Variants in FDFT1 observed in about 807,000 individuals in gnomAD.
The protein encoded by FDFT1 is farnesyl-diphosphate farnesyltransferase 1, also known as squalene synthase.
FDFT1 carries 68 observed loss-of-function variants against 46.8 expected under a neutral mutation model. The observed-to-expected ratio is 1.45, with a 90% CI of 1.19 to 1.78. The LOEUF (loss-of-function observed/expected upper bound fraction) is 1.78, where lower values mean the gene tolerates loss of function less well. Among genes scored for constraint, FDFT1 ranks in the 40% most tolerant of loss-of-function variants. The pLI is 0.00. For synonymous variants in FDFT1, 351 were observed against 185.1 expected (o/e 1.90, Z -7.28); for missense variants, 928 against 524.4 (o/e 1.77, Z -7.52).
intron 1 of FDFT1, among the ~76,000 whole-genome samples, chr8:11,797,126 A>C (rs1340700663): frequency 1.3e-5 from 2 of 152,210 alleles, no homozygotes; most frequent in Non-Finnish European, 2.9e-5. Context: ...TGACATGGCA[A>C]ACTGGTGGGC....
intron 5 of FDFT1, among the ~76,000 whole-genome samples, chr8:11,829,919 C>G (rs1810538201): frequency 6.6e-6 from 1 of 151,128 alleles, no homozygotes; most frequent in Non-Finnish European, 1.5e-5. Context: ...GAGATCTTGA[C>G]TCACTGCAAC....
intron 5 of FDFT1, among the ~76,000 whole-genome samples, chr8:11,828,411 C>G (rs1220947710): frequency 6.6e-6 from 1 of 152,240 alleles, no homozygotes; most frequent in Admixed American, 6.5e-5. Flanking sequence ...TGTCTTACCC[C>G]TCTTTTGCAG....
intron 7 of FDFT1, among the ~76,000 whole-genome samples, chr8:11,832,472 C>G (rs976088814): frequency 4.9e-5 from 7 of 143,188 alleles, no homozygotes; most frequent in Non-Finnish European, 1.0e-4. Flanking sequence ...ATCACATGAG[C>G]CTGAGAGGTC....
chr8:11,812,971 AGT>A (rs1365823848), intron 3 of FDFT1, among the ~76,000 whole-genome samples: 1 of 152,198 alleles, frequency 6.6e-6, no homozygotes, highest in Non-Finnish European at 1.5e-5. Context: ...AACATCATAG[AGT>A]GTACTTACAC....
upstream of FDFT1, among the ~76,000 whole-genome samples, chr8:11,800,482 C>G (rs956028441): frequency 2.6e-5 from 4 of 151,984 alleles, no homozygotes; most frequent in Admixed American, 1.3e-4. Flanking sequence ...TGTATTTGTC[C>G]CGATTGGCTA....
chr8:11,819,949 C>T (rs2409832), intron 3 of FDFT1, among the ~76,000 whole-genome samples: 73,785 of 151,938 alleles, frequency 0.49, 19,086 homozygotes, highest in East Asian at 0.77. Flanking sequence ...AATTTTCAGC[C>T]TTTCTGCTGT....
At chr8:11,809,199 C>T (rs1428094438) in intron 2 of FDFT1, 2 of 1,216,732 alleles carry the variant, frequency 1.6e-6, no homozygotes, top group Non-Finnish European at 2.1e-6. Flanking sequence ...TTCCCTTATC[C>T]AACTTTGCAT....
upstream of FDFT1, chr8:11,801,778 C>G: frequency 2.8e-6 from 1 of 363,126 alleles, no homozygotes; most frequent in Non-Finnish European, 5.4e-6. Flanking sequence ...ACTGCAAACT[C>G]CGCTTCCCGG....
intron 1 of FDFT1, among the ~76,000 whole-genome samples, chr8:11,804,729 G>T (rs2130680748): frequency 6.7e-6 from 1 of 148,584 alleles, no homozygotes; most frequent in East Asian, 2.1e-4. Context: ...GCCTCAGCCT[G>T]CTGAGTAGCT....
At chr8:11,809,237 CTTT>C in intron 2 of FDFT1, 1 of 1,153,014 alleles carries the variant, frequency 8.7e-7, no homozygotes. Context: ...TGGGTTGATT[CTTT>C]TGAAGCTGCC....
At chr8:11,831,757 T>C in intron 7 of FDFT1, 87 bp downstream of exon 7, 1 of 1,092,708 alleles carries the variant, frequency 9.2e-7, no homozygotes, top group Non-Finnish European at 1.4e-6. Context: ...GGATATTAGA[T>C]GATCCTAACA....
upstream of FDFT1, chr8:11,802,399 A>T (rs576843007): frequency 7.3e-4 from 332 of 456,788 alleles, 3 homozygotes; most frequent in African/African-American, 5.5e-3. Context: ...GCTCCTGCGC[A>T]TCCTAAGCCC....
chr8:11,801,935 C>T (rs767385730), upstream of FDFT1: 1 of 454,902 alleles, frequency 2.2e-6, no homozygotes, highest in South Asian at 1.6e-5. Flanking sequence ...GTGATCCACC[C>T]GCCTTGGCCT....
intron 1 of FDFT1, among the ~76,000 whole-genome samples, chr8:11,804,816 T>G (rs2740451): frequency 6.6e-6 from 1 of 151,328 alleles, no homozygotes; most frequent in East Asian, 1.9e-4. Context: ...ACCATGTTGG[T>G]GAGGCTGGTT....
rs1030347138 is a variant in FDFT1 at position 11,838,940 on chromosome 8, T to C, written c.*331T>C. ...CTTAGTATGATCCTGGCTAGAATGA[T>C]AATTAAAAGTATTTAATTTGAAGCA... On this transcript the variant is annotated 3_prime_UTR_variant, in exon 8 of 8. Coordinates refer to ENST00000220584, the MANE Select transcript of FDFT1 (RefSeq NM_004462.5). The C allele has an allele frequency of 2.9e-5, 7 of 238,666 alleles. No individual in the cohort carries two copies. The highest frequency in any genetic ancestry group is 1.6e-4 in the African/African-American group (7 of 43,338). 14.8% of individuals were successfully genotyped at this position (238,666 alleles called of 1,614,324 possible).
intron 3 of FDFT1, among the ~76,000 whole-genome samples, chr8:11,817,109 G>A (rs765545099): frequency 3.9e-5 from 6 of 152,194 alleles, no homozygotes; most frequent in Middle Eastern, 3.4e-3. Flanking sequence ...AAGGCCTTTC[G>A]TGCATCTATT....
chr8:11,819,496 T>C (rs1808926327), intron 3 of FDFT1, among the ~76,000 whole-genome samples: 1 of 151,928 alleles, frequency 6.6e-6, no homozygotes, highest in South Asian at 2.1e-4. Flanking sequence ...AATCATAGCA[T>C]TGGTCTTTTC....
chr8:11,798,577 C>G (rs1805799415), upstream of FDFT1, among the ~76,000 whole-genome samples: 1 of 152,216 alleles, frequency 6.6e-6, no homozygotes, highest in African/African-American at 2.4e-5. Flanking sequence ...ATCAATGACA[C>G]CTGGATTTTG....
chr8:11,803,007 C>T, intron 1 of FDFT1, 76 bp downstream of exon 1: 4 of 1,530,318 alleles, frequency 2.6e-6, no homozygotes, highest in Non-Finnish European at 3.5e-6. Context: ...AGCGGCCGGG[C>T]CCGGATCTGG....
Sources: allele counts gnomAD v4.1 joint callset (sites outside exome capture counted in the v4.1 genomes callset), GRCh38; gene constraint gnomAD v4.1.1; transcripts MANE v1.5; gene names NCBI Gene and HGNC (gene_info 2026-07-23, HGNC 2026-07-21).